Variants in TRPM3 observed in about 807,000 individuals in gnomAD.
TRPM3 encodes transient receptor potential cation channel subfamily M member 3, also known as long transient receptor potential channel 3.
Under a neutral mutation model 181.2 loss-of-function variants are expected in TRPM3, and 77 were observed. That is an observed-to-expected ratio of 0.42 (90% CI 0.35 to 0.51). The LOEUF is 0.51. TRPM3 is among the 20% of genes least tolerant of loss of function. TRPM3 has a pLI of 0.01. For missense variants in TRPM3, 1,759 were observed against 2,196.7 expected (o/e 0.80, Z 3.98); for synonymous variants, 745 against 796.4 (o/e 0.94, Z 1.09).
intron 1 of TRPM3, among the ~76,000 whole-genome samples, chr9:71,333,377 T>C (rs1331165720): frequency 1.3e-5 from 2 of 151,922 alleles, no homozygotes. Context: ...GGGTTGAACA[T>C]AGAGATTTAC....
intron 8 of TRPM3, among the ~76,000 whole-genome samples, chr9:70,751,951 A>C (rs1183031895): frequency 6.6e-6 from 1 of 151,094 alleles, no homozygotes; most frequent in Non-Finnish European, 1.5e-5. Flanking sequence ...GTTGAGCATG[A>C]GGAGAATGAA....
rs1301862753 is a variant in TRPM3, at chr9:70,537,074, G to T, written c.4039C>A (p.Arg1347=). Residue 1347 remains arginine, a synonymous_variant, in exon 26 of 26, where the codon CGA becomes AGA. Coordinates refer to ENST00000677713, the MANE Select transcript of TRPM3 (RefSeq NM_001366145.2). The part of the protein sequence containing the change: ...PTSPTLMPRM[R]SHSFYSVNMK... ...TTGACCGAATAGAAAGAATGGCTTC[G>T]CATACGGGGCATTAAGGTTGGAGAA... The T allele has an allele frequency of 6.2e-7, 1 of 1,611,830 alleles. No homozygotes were observed. The highest frequency in any genetic ancestry group is 1.3e-5 in the African/African-American group (1 of 75,008).
chr9:70,661,683 A>G (rs1443497701), intron 9 of TRPM3, among the ~76,000 whole-genome samples: 1 of 151,864 alleles, frequency 6.6e-6, no homozygotes, highest in African/African-American at 2.4e-5. Flanking sequence ...CAACAGCTGC[A>G]ATAAAAAGAA....
chr9:70,649,104 T>G (rs1345834362), intron 9 of TRPM3, among the ~76,000 whole-genome samples: 2 of 151,852 alleles, frequency 1.3e-5, no homozygotes, highest in Non-Finnish European at 2.9e-5. Flanking sequence ...CCAACAAAGG[T>G]CTAATATCCA....
At chr9:71,122,190 T>C (rs2073725536), upstream of TRPM3, among the ~76,000 whole-genome samples, 2 of 152,204 alleles carry the variant, frequency 1.3e-5, no homozygotes, top group South Asian at 4.1e-4. Context: ...AAGTGCCACA[T>C]GGGATGCTGT....
chr9:71,404,928 T>C (rs2093408871), intron 1 of TRPM3, among the ~76,000 whole-genome samples: 1 of 152,184 alleles, frequency 6.6e-6, no homozygotes, highest in Non-Finnish European at 1.5e-5. Flanking sequence ...ATATCCAGTA[T>C]GCATTGTAAG....
intron 22 of TRPM3, among the ~76,000 whole-genome samples, chr9:70,563,212 AG>A (rs747680147): frequency 6.6e-6 from 1 of 152,186 alleles, no homozygotes; most frequent in Non-Finnish European, 1.5e-5. Context: ...TTCTGAGCTG[AG>A]GCTGTTCTGG....
At chr9:71,413,504 A>C (rs915849198) in intron 1 of TRPM3, among the ~76,000 whole-genome samples, 8 of 152,078 alleles carry the variant, frequency 5.3e-5, no homozygotes, top group Admixed American at 2.0e-4. Flanking sequence ...TACCTTTAAC[A>C]AGTCTCATAA....
intron 1 of TRPM3, among the ~76,000 whole-genome samples, chr9:70,902,643 A>AG (rs1282390726): frequency 6.6e-6 from 1 of 152,174 alleles, no homozygotes; most frequent in Non-Finnish European, 1.5e-5. Context: ...AGCAAAAAAA[A>AG]CAAGCCATGC....
intron 1 of TRPM3, among the ~76,000 whole-genome samples, chr9:71,196,983 A>T (rs2131700370): frequency 6.6e-6 from 1 of 151,950 alleles, no homozygotes; most frequent in African/African-American, 2.4e-5. Context: ...TCGTCATTTA[A>T]CATTAGGTAT....
intron 1 of TRPM3, among the ~76,000 whole-genome samples, chr9:71,404,441 T>A (rs1031172038): frequency 6.6e-6 from 1 of 152,194 alleles, no homozygotes; most frequent in Non-Finnish European, 1.5e-5. Context: ...CTCTAACTTA[T>A]TCATCTCTCT....
chr9:70,902,640 A>T, intron 1 of TRPM3, among the ~76,000 whole-genome samples: 1 of 152,228 alleles, frequency 6.6e-6, no homozygotes, highest in African/African-American at 2.4e-5. Context: ...ATGAGCAAAA[A>T]AAACAAGCCA....
At chr9:71,308,420 C>T (rs762706692) in intron 1 of TRPM3, among the ~76,000 whole-genome samples, 9 of 152,212 alleles carry the variant, frequency 5.9e-5, no homozygotes, top group Middle Eastern at 3.4e-3. Flanking sequence ...CTAATTTAAA[C>T]ATCAATTTGT....
intron 3 of TRPM3, among the ~76,000 whole-genome samples, chr9:70,856,092 A>C (rs2095380223): frequency 6.6e-6 from 1 of 152,190 alleles, no homozygotes; most frequent in South Asian, 2.1e-4. Flanking sequence ...TAAGCATATA[A>C]ACTAGTCATA....
chr9:70,769,572 G>T (rs984764922), intron 7 of TRPM3, among the ~76,000 whole-genome samples: 8 of 151,850 alleles, frequency 5.3e-5, no homozygotes, highest in Non-Finnish European at 1.0e-4. Flanking sequence ...ATCCCACAAT[G>T]TAAACATATA....
chr9:71,208,369 C>T (rs1356444340), intron 1 of TRPM3, among the ~76,000 whole-genome samples: 2 of 152,040 alleles, frequency 1.3e-5, no homozygotes, highest in Admixed American at 6.6e-5. Context: ...AATTTAGGTA[C>T]TGAAAAGTAT....
chr9:70,771,286 T>G (rs1181291114), intron 7 of TRPM3, among the ~76,000 whole-genome samples: 1 of 152,190 alleles, frequency 6.6e-6, no homozygotes, highest in African/African-American at 2.4e-5. Context: ...GAGCAACCAT[T>G]CTATGGATGA....
intron 1 of TRPM3, among the ~76,000 whole-genome samples, chr9:71,187,797 T>C (rs1479147830): frequency 1.3e-5 from 2 of 151,904 alleles, no homozygotes; most frequent in Non-Finnish European, 2.9e-5. Flanking sequence ...ATCATATATA[T>C]GAACATAGTT....
At chr9:71,246,656 A>G (rs1441569900) in intron 1 of TRPM3, among the ~76,000 whole-genome samples, 1 of 152,246 alleles carries the variant, frequency 6.6e-6, no homozygotes, top group African/African-American at 2.4e-5. Flanking sequence ...GCATTCGCAT[A>G]CAATTTTATC....
Sources: allele counts gnomAD v4.1 joint callset (sites outside exome capture counted in the v4.1 genomes callset), GRCh38; gene constraint gnomAD v4.1.1; transcripts MANE v1.5; gene names NCBI Gene and HGNC (gene_info 2026-07-23, HGNC 2026-07-21).